The following FAM227B variants were observed in gnomAD, a reference collection of about 807,000 sequenced individuals.
FAM227B encodes family with sequence similarity 227 member B, also known as protein FAM227B.
A neutral mutation model predicts 73.8 loss-of-function variants in FAM227B; 88 were observed. The ratio of observed to expected loss-of-function variants is 1.19; its 90% confidence interval spans 1.00 to 1.42. The LOEUF (loss-of-function observed/expected upper bound fraction) is 1.42, where lower values mean the gene tolerates loss of function less well. FAM227B is among the 40% of genes most tolerant of loss of function. The pLI, the probability that FAM227B is intolerant of heterozygous loss-of-function variation, is 0.00. For synonymous variants in FAM227B, 210 were observed against 190.5 expected (o/e 1.10, Z -0.84); for missense variants, 632 against 590.9 (o/e 1.07, Z -0.72).
chr15:49,455,584 G>T (rs1002067116), intron 11 of FAM227B, among the ~76,000 whole-genome samples: 8 of 152,024 alleles, frequency 5.3e-5, no homozygotes, highest in Non-Finnish European at 2.9e-5. Context: ...TTATAAAAAA[G>T]TTTTTGGATT....
At chr15:49,448,848 C>A (rs1360616379) in intron 11 of FAM227B, among the ~76,000 whole-genome samples, 1 of 151,792 alleles carries the variant, frequency 6.6e-6, no homozygotes, top group Non-Finnish European at 1.5e-5. Context: ...GAACCCTCTA[C>A]AATTTTCTTT....
intron 13 of FAM227B, among the ~76,000 whole-genome samples, chr15:49,360,177 C>G (rs1201708220): frequency 6.7e-6 from 1 of 148,966 alleles, no homozygotes; most frequent in Non-Finnish European, 1.5e-5. Context: ...CAGCATGGCA[C>G]ATGTATACAT....
intron 11 of FAM227B, among the ~76,000 whole-genome samples, chr15:49,489,821 T>TTTATATATATATATA (rs2056783141): frequency 3.6e-5 from 1 of 27,942 alleles, no homozygotes; most frequent in African/African-American, 1.6e-4. Flanking sequence ...ATATATATAT[T>TTTATATATATATATA]TTATATATAT....
chr15:49,493,284 C>T (rs2057281212), intron 11 of FAM227B, among the ~76,000 whole-genome samples: 1 of 151,970 alleles, frequency 6.6e-6, no homozygotes, highest in African/African-American at 2.4e-5. Context: ...CTCTAGGGCT[C>T]ACTGAATTTG....
rs148947665 is a variant in FAM227B, at chr15:49,422,243, T to C, written c.1013-50844A>G. ...AGATAATTTTAATATACTTTCTTAA[T>C]ACTGATTTAGATAGACAACACAATT... On this transcript the variant is annotated intron_variant, in intron 11 of 15. Coordinates refer to ENST00000299338, the MANE Select transcript of FAM227B (RefSeq NM_152647.3). Among the ~76,000 whole-genome samples, 844 of 152,218 alleles carry C rather than the reference T, an allele frequency of 5.5e-3. 6 individuals carry two copies. The highest frequency in any genetic ancestry group is 0.019 in the African/African-American group (804 of 41,522).
At chr15:49,405,140 C>T (rs1423000898) in intron 11 of FAM227B, among the ~76,000 whole-genome samples, 1 of 152,142 alleles carries the variant, frequency 6.6e-6, no homozygotes, top group Non-Finnish European at 1.5e-5. Flanking sequence ...TTATGGGCTT[C>T]CCTTTGTAGG....
At chr15:49,403,257 G>T (rs1016322448) in intron 11 of FAM227B, among the ~76,000 whole-genome samples, 3 of 152,064 alleles carry the variant, frequency 2.0e-5, no homozygotes, top group Non-Finnish European at 4.4e-5. Flanking sequence ...CCAGGTCTTG[G>T]TATCAGGATG....
chr15:49,502,214 A>G (rs1201037226), intron 11 of FAM227B, among the ~76,000 whole-genome samples: 1 of 152,208 alleles, frequency 6.6e-6, no homozygotes, highest in African/African-American at 2.4e-5. Flanking sequence ...TGCCTAGTCG[A>G]ACTGTGAGAA....
intron 11 of FAM227B, among the ~76,000 whole-genome samples, chr15:49,474,493 G>A (rs1451351937): frequency 6.6e-6 from 1 of 152,090 alleles, no homozygotes; most frequent in Non-Finnish European, 1.5e-5. Context: ...ATAGCTGACA[G>A]ACAGGTAAAT....
intron 3 of FAM227B, among the ~76,000 whole-genome samples, chr15:49,593,821 T>A (rs1351779431): frequency 1.3e-5 from 2 of 152,226 alleles, no homozygotes; most frequent in Non-Finnish European, 2.9e-5. Context: ...CCACATTTTA[T>A]CAACTTGTTG....
chr15:49,549,951 C>T (rs1164413411), intron 9 of FAM227B, among the ~76,000 whole-genome samples: 12 of 127,910 alleles, frequency 9.4e-5, no homozygotes, highest in East Asian at 2.3e-4. Flanking sequence ...GGCGGCTGGC[C>T]GGGCGGGGGG....
chr15:49,558,582 T>C (rs2073961652), intron 9 of FAM227B, among the ~76,000 whole-genome samples: 2 of 152,130 alleles, frequency 1.3e-5, no homozygotes, highest in Non-Finnish European at 2.9e-5. Flanking sequence ...TTCCTTTTGG[T>C]TCCCCCCACC....
chr15:49,549,573 C>T (rs549892181), intron 9 of FAM227B, among the ~76,000 whole-genome samples: 1 of 152,072 alleles, frequency 6.6e-6, no homozygotes, highest in Non-Finnish European at 1.5e-5. Flanking sequence ...TAACAAAGCA[C>T]ATCTTGCACC....
At chr15:49,487,806 G>A (rs576765492) in intron 11 of FAM227B, 4 of 151,974 alleles carry the variant, frequency 2.6e-5, no homozygotes, top group South Asian at 2.1e-4. Flanking sequence ...TTGTGGTTGC[G>A]TTAATATGAC....
intron 11 of FAM227B, among the ~76,000 whole-genome samples, chr15:49,462,888 TCTCTAGGTC>T: frequency 6.6e-6 from 1 of 152,338 alleles, no homozygotes; most frequent in Admixed American, 6.5e-5. Flanking sequence ...TACATTTTAT[TCTCTAGGTC>T]CTAAGGCACT....
At chr15:49,423,575 G>A (rs1350221407) in intron 11 of FAM227B, 3 of 152,114 alleles carry the variant, frequency 2.0e-5, no homozygotes, top group Admixed American at 6.6e-5. Context: ...TAATTATGCT[G>A]TAGAACATAA....
At chr15:49,486,925 T>A (rs1238857356) in intron 11 of FAM227B, 1 of 151,944 alleles carries the variant, frequency 6.6e-6, no homozygotes, top group Non-Finnish European at 1.5e-5. Flanking sequence ...TCTAGGAAAT[T>A]GAGATTTTGA....
chr15:49,525,129 G>A (rs1169308779), intron 10 of FAM227B, among the ~76,000 whole-genome samples: 1 of 152,102 alleles, frequency 6.6e-6, no homozygotes, highest in East Asian at 1.9e-4. Context: ...GGGAATCGGG[G>A]TAAAATGATA....
At chr15:49,498,565 C>A (rs1214663398) in intron 11 of FAM227B, among the ~76,000 whole-genome samples, 1 of 152,166 alleles carries the variant, frequency 6.6e-6, no homozygotes, top group African/African-American at 2.4e-5. Context: ...CATCCAGAAA[C>A]AAAAATATCT....
Sources: allele counts gnomAD v4.1 joint callset (sites outside exome capture counted in the v4.1 genomes callset), GRCh38; gene constraint gnomAD v4.1.1; transcripts MANE v1.5; gene names NCBI Gene and HGNC (gene_info 2026-07-23, HGNC 2026-07-21).